The following ERGIC3 variants were observed in gnomAD, a reference collection of about 807,000 sequenced individuals.
ERGIC3 encodes endoplasmic reticulum-Golgi intermediate compartment protein 3.
A neutral mutation model predicts 54.7 loss-of-function variants in ERGIC3; 33 were observed. That is an observed-to-expected ratio of 0.60 (90% CI 0.46 to 0.81). The LOEUF is 0.81. Ranked by LOEUF, ERGIC3 falls within the 30% of genes least tolerant of loss-of-function variation. The pLI is 0.00. For missense variants in ERGIC3, 399 were observed against 488.4 expected (o/e 0.82, Z 1.73); for synonymous variants, 186 against 189.8 (o/e 0.98, Z 0.16).
rs2147305026 is a variant in ERGIC3, at chr20:35,547,393, G to A, written c.368-19G>A. 3.1e-6 allele frequency: 5 copies of A among 1,609,604 alleles called. No homozygotes were observed. The East Asian group carries it at 6.7e-5, about 22-fold the overall frequency. On this transcript the variant is annotated intron_variant, in intron 4 of 12. Transcript: ENST00000348547. Reference sequence around the variant, plus strand: ...GTGTCTGGCCCCAGCTGATGCCTCTGCTTCTCCCCTCCCCTTAGAGCTTGG... The same window carrying A: ...GTGTCTGGCCCCAGCTGATGCCTCTACTTCTCCCCTCCCCTTAGAGCTTGG...
chr20:35,548,102 G>A (rs2064659663), intron 5 of ERGIC3, among the ~76,000 whole-genome samples: 1 of 152,086 alleles, frequency 6.6e-6, no homozygotes, highest in African/African-American at 2.4e-5. Flanking sequence ...GTGGCATTAG[G>A]TATCTTCACA....
In ERGIC3 at chr20:35,557,573, C is replaced by G. The variant is rs1343611814; in HGVS notation, c.*69C>G. 1 of 1,343,018 alleles carries G rather than the reference C, an allele frequency of 7.4e-7. No individual in the cohort carries two copies. Among genetic ancestry groups the G allele is most frequent in the African/African-American group, 1.4e-5 (1 of 69,708 alleles). 83.2% of individuals were successfully genotyped at this position (1,343,018 alleles called of 1,614,324 possible). On this transcript the variant is annotated 3_prime_UTR_variant, in exon 13 of 13. Coordinates refer to ENST00000348547, the MANE Select transcript of ERGIC3 (RefSeq NM_015966.3). ...TGGTTGTCCCCCAGCCTCTGCCACC[C>G]TCCACCTCCTCGGTCAGCCCCAGCC...
chr20:35,547,162 T>G (rs1328819109), intron 4 of ERGIC3: 2 of 352,998 alleles, frequency 5.7e-6, no homozygotes, highest in Non-Finnish European at 5.3e-6. Context: ...GAGATGATGG[T>G]TGTGAAGTAC....
intron 7 of ERGIC3, among the ~76,000 whole-genome samples, chr20:35,551,608 G>A (rs1444815156): frequency 6.6e-6 from 1 of 152,200 alleles, no homozygotes; most frequent in Non-Finnish European, 1.5e-5. Flanking sequence ...AAAGGGCTGG[G>A]TGCCAGGCCT....
At chr20:35,542,289 G>A (rs991781023) in intron 1 of ERGIC3, 34 bp from the exon 2 acceptor site, 1 of 1,613,806 alleles carries the variant, frequency 6.2e-7, no homozygotes, top group African/African-American at 1.3e-5. Context: ...GAGCGGATTC[G>A]AGGCCATTCT....
Position 35,556,117 on chromosome 20 carries a change from A to C in ERGIC3, c.802A>C (p.Thr268Pro). ...IVNPLDHTNV[T>P]APQASMMFQY... ...GAACCCCCTGGACCACACCAATGTC[A>C]CTGCGCCCCAAGGTACCAGCCCGGG... Residue 268 changes from threonine to proline, a missense_variant, in exon 9 of 13, where the codon ACT (threonine) becomes CCT (proline). By Grantham distance (38) the Thr-to-Pro change is conservative. Coordinates refer to ENST00000348547, the MANE Select transcript of ERGIC3 (RefSeq NM_015966.3). 1 of 1,614,200 alleles carries C rather than the reference A, an allele frequency of 6.2e-7. No homozygotes were observed. The highest frequency in any genetic ancestry group is 8.5e-7 in the Non-Finnish European group (1 of 1,180,034).
chr20:35,545,724 T>C (rs928942613), intron 4 of ERGIC3, among the ~76,000 whole-genome samples: 3 of 152,158 alleles, frequency 2.0e-5, no homozygotes, highest in African/African-American at 7.2e-5. Flanking sequence ...GTGGGGATCA[T>C]TGAGGACATC....
chr20:35,545,648 A>G (rs767874332), intron 4 of ERGIC3, among the ~76,000 whole-genome samples: 9 of 152,142 alleles, frequency 5.9e-5, no homozygotes, highest in Admixed American at 1.3e-4. Flanking sequence ...GCAATATACT[A>G]GTGCTTACAC....
At chr20:35,555,192 G>A (rs761616029) in intron 8 of ERGIC3, 117 bp downstream of exon 8, 105 of 1,186,870 alleles carry the variant, frequency 8.8e-5, no homozygotes, top group South Asian at 2.8e-4. Context: ...AATACACCAC[G>A]TTCTGAATGG....
intron 7 of ERGIC3, chr20:35,549,359 G>A: frequency 2.5e-6 from 1 of 395,750 alleles, no homozygotes. Flanking sequence ...CTGTAAAATG[G>A]GGATGATGAT....
intron 7 of ERGIC3, among the ~76,000 whole-genome samples, chr20:35,552,485 C>T (rs1485708496): frequency 6.6e-6 from 1 of 152,098 alleles, no homozygotes; most frequent in Non-Finnish European, 1.5e-5. Context: ...TTGGTGTTGC[C>T]AGGTGCCTGC....
intron 4 of ERGIC3, chr20:35,543,234 G>A (rs1328245713): frequency 2.6e-6 from 1 of 377,772 alleles, no homozygotes; most frequent in Admixed American, 3.7e-5. Context: ...TCTTGCCTTG[G>A]TAGAACTGTC....
intron 4 of ERGIC3, chr20:35,543,850 G>A (rs1432581423): frequency 5.4e-6 from 2 of 370,518 alleles, no homozygotes; most frequent in Non-Finnish European, 1.1e-5. Flanking sequence ...ATCCACTGCT[G>A]TGTAACAAAG....
intron 7 of ERGIC3, among the ~76,000 whole-genome samples, chr20:35,553,647 G>T (rs1230958361): frequency 6.6e-6 from 1 of 151,992 alleles, no homozygotes; most frequent in Non-Finnish European, 1.5e-5. Flanking sequence ...ATCTGTGGGG[G>T]TGGGGCTGTG....
At chr20:35,547,538 A>T in intron 5 of ERGIC3, 33 bp downstream of exon 5, 7 of 1,589,672 alleles carry the variant, frequency 4.4e-6, no homozygotes, top group Non-Finnish European at 6.0e-6. Context: ...CAGGGTTCCC[A>T]TCAGGCGCCA....
rs375130496 is a variant in ERGIC3, at chr20:35,554,411, G to A, written c.686-633G>A. 1.9e-6 allele frequency: 3 copies of A among 1,613,832 alleles called. No homozygotes were observed. The African/African-American group carries it at 4.0e-5, about 22-fold the overall frequency. ...AGTAAGTGGCCCTGCCCCCATGGAG[G>A]CCAAACCCCTACTTCTGGGGCAGCC... is the stretch of plus-strand genomic sequence containing the variant. On this transcript the variant is annotated intron_variant, in intron 7 of 12. Transcript: ENST00000348547.
At chr20:35,548,891 G>C (rs1240086159) in intron 7 of ERGIC3, 26 bp downstream of exon 7, 1 of 1,613,424 alleles carries the variant, frequency 6.2e-7, no homozygotes, top group Non-Finnish European at 8.5e-7. Flanking sequence ...TAGCTGGGGA[G>C]ATTTAGATGC....
chr20:35,542,353 T>G lies in ERGIC3; in HGVS notation c.119T>G (p.Leu40Arg), dbSNP rs2064618174. ...ATTGTCAGTGGCCTTCTCATGCTGC[T>G]ACTGTTCCTGTCCGAGCTGCAGTAT... is the stretch of plus-strand genomic sequence containing the variant. The part of the protein sequence containing the change: ...VTIVSGLLML[L>R]LFLSELQYYL... The change falls in exon 2 of 13, where the codon CTA (leucine) becomes CGA (arginine). Residue 40 changes from leucine (L) to arginine (R), a missense_variant. Coordinates refer to ENST00000348547, the MANE Select transcript of ERGIC3 (RefSeq NM_015966.3). 2.5e-6 allele frequency: 4 copies of G among 1,613,876 alleles called. No homozygotes were observed. Among genetic ancestry groups the G allele is most frequent in the African/African-American group, 1.3e-5 (1 of 74,954 alleles).
intron 7 of ERGIC3, among the ~76,000 whole-genome samples, chr20:35,554,189 C>T (rs1363848032): frequency 6.6e-6 from 1 of 152,158 alleles, no homozygotes; most frequent in East Asian, 1.9e-4. Flanking sequence ...CTATTTTGCT[C>T]CTCTCTGGCC....
Sources: gnomAD v4.1 joint callset for allele counts (sites outside exome capture counted in the v4.1 genomes callset) on GRCh38, gnomAD v4.1.1 for gene constraint, MANE v1.5 for transcripts, NCBI Gene and HGNC (gene_info 2026-07-23, HGNC 2026-07-21) for gene names.